The following PTPRN2 variants were observed in gnomAD, a reference collection of about 807,000 sequenced individuals.
The protein encoded by PTPRN2 is receptor-type tyrosine-protein phosphatase N2.
PTPRN2 carries 74 observed loss-of-function variants against 118.8 expected under a neutral mutation model. The observed-to-expected ratio is 0.62, with a 90% CI of 0.52 to 0.76. The LOEUF (loss-of-function observed/expected upper bound fraction) is 0.76. PTPRN2 is among the 30% of genes least tolerant of loss of function. The pLI, the probability that PTPRN2 is intolerant of heterozygous loss-of-function variation, is 0.00. For synonymous variants in PTPRN2, 641 were observed against 608.0 expected (o/e 1.05, Z -0.80); for missense variants, 1,481 against 1,394.4 (o/e 1.06, Z -0.99).
intron 12 of PTPRN2, among the ~76,000 whole-genome samples, chr7:157,747,593 G>C (rs1385641108): frequency 9.1e-5 from 9 of 98,608 alleles, no homozygotes; most frequent in East Asian, 7.3e-4. Flanking sequence ...GAGCTGTGGG[G>C]TGTCCGGGTG....
chr7:157,862,603 T>C, intron 12 of PTPRN2: 1 of 152,282 alleles, frequency 6.6e-6, no homozygotes, highest in East Asian at 1.9e-4. Context: ...TAAAATGCCT[T>C]GAGAGTGGAA....
chr7:158,236,584 A>G (rs1482957654), intron 3 of PTPRN2, among the ~76,000 whole-genome samples: 3 of 152,092 alleles, frequency 2.0e-5, no homozygotes, highest in Non-Finnish European at 4.4e-5. Flanking sequence ...TGCCTCAAGT[A>G]TGTCTTCATG....
chr7:157,980,969 C>G (rs530827491), intron 11 of PTPRN2, among the ~76,000 whole-genome samples: 1 of 151,930 alleles, frequency 6.6e-6, no homozygotes, highest in South Asian at 2.1e-4. Context: ...CCCCGCCTCC[C>G]ACACGGGCTC....
chr7:158,375,921 A>G (rs1367541812), intron 2 of PTPRN2, among the ~76,000 whole-genome samples: 1 of 152,140 alleles, frequency 6.6e-6, no homozygotes, highest in East Asian at 1.9e-4. Context: ...TCCATCCAGC[A>G]GTAAAATCCC....
intron 12 of PTPRN2, among the ~76,000 whole-genome samples, chr7:157,856,848 A>C (rs972452799): frequency 1.3e-5 from 2 of 152,152 alleles, no homozygotes; most frequent in Non-Finnish European, 2.9e-5. Context: ...TTGACCTGTT[A>C]AGTATTGCTT....
At chr7:157,900,626 G>A (rs527678424) in intron 11 of PTPRN2, among the ~76,000 whole-genome samples, 10 of 152,258 alleles carry the variant, frequency 6.6e-5, no homozygotes, top group South Asian at 4.1e-4. Context: ...GGCATTCTCC[G>A]TCCCCTGCCA....
At chr7:158,149,511 A>C (rs2150517406) in intron 6 of PTPRN2, among the ~76,000 whole-genome samples, 1 of 152,320 alleles carries the variant, frequency 6.6e-6, no homozygotes, top group Admixed American at 6.5e-5. Context: ...GATTTTTAAA[A>C]AGATAAGCCC....
chr7:157,786,886 A>T (rs1306156964), intron 12 of PTPRN2, among the ~76,000 whole-genome samples: 2 of 152,198 alleles, frequency 1.3e-5, no homozygotes, highest in Non-Finnish European at 2.9e-5. Context: ...CACTGTGGGA[A>T]GTGCAGGGAG....
chr7:158,521,902 CAGG>C (rs1824128501), intron 1 of PTPRN2, among the ~76,000 whole-genome samples: 2 of 82,414 alleles, frequency 2.4e-5, no homozygotes, highest in Non-Finnish European at 5.0e-5. Context: ...GGTACTGGCT[CAGG>C]AGGGAGGTCC....
In PTPRN2 at chr7:158,319,743, TCA is replaced by T. The variant is rs1300310599; in HGVS notation, c.164-2813_164-2812del. Among the ~76,000 whole-genome samples, 2 of 11,038 alleles carry T rather than the reference TCA, an allele frequency of 1.8e-4. 1 individual carries two copies. The highest frequency in any genetic ancestry group is 1.5e-3 in the African/African-American group (2 of 1,308). 7.2% of individuals were successfully genotyped at this position (11,038 alleles called of 152,430 possible). Reference sequence around the variant, plus strand: ...CCCTCACACACACTCACAGTCTCCCTCACACACACAGCCTCCCTCACACACAC... The same window carrying T: ...CCCTCACACACACTCACAGTCTCCCTCACACACAGCCTCCCTCACACACAC... On this transcript the variant is annotated intron_variant, in intron 2 of 22. Coordinates refer to ENST00000389418, the MANE Select transcript of PTPRN2 (RefSeq NM_002847.5).
At chr7:158,398,117 A>G (rs1323227870) in intron 2 of PTPRN2, among the ~76,000 whole-genome samples, 1 of 152,188 alleles carries the variant, frequency 6.6e-6, no homozygotes, top group Non-Finnish European at 1.5e-5. Flanking sequence ...TAGCTTACAA[A>G]TCCATCTGTA....
At chr7:158,191,139 C>T (rs1024160301) in intron 5 of PTPRN2, among the ~76,000 whole-genome samples, 1 of 152,222 alleles carries the variant, frequency 6.6e-6, no homozygotes, top group Non-Finnish European at 1.5e-5. Flanking sequence ...TGGGAGGACT[C>T]TACCTTTCGA....
intron 11 of PTPRN2, among the ~76,000 whole-genome samples, chr7:158,071,337 G>GTA (rs1811517712): frequency 7.9e-6 from 1 of 126,434 alleles, no homozygotes; most frequent in Non-Finnish European, 1.7e-5. Flanking sequence ...GCCCATGGTG[G>GTA]TGGAGGTGCT....
chr7:158,220,482 AT>A (rs1275976705), intron 3 of PTPRN2, among the ~76,000 whole-genome samples: 1 of 152,192 alleles, frequency 6.6e-6, no homozygotes, highest in South Asian at 2.1e-4. Context: ...CAGGAAAAAA[AT>A]ATCAATGTAT....
At position 157,734,145 on chromosome 7, in the gene PTPRN2, G is replaced by A. The variant is rs1304829555; in HGVS notation, c.1789-51208C>T. ...ACAGTTACCCTTTCCCGTCCCAGGC[G>A]CCCAGCACAGTTACTCTTTTCCACC... On this transcript the variant is annotated intron_variant, in intron 12 of 22. Transcript: ENST00000389418. Among the ~76,000 whole-genome samples the A allele has an allele frequency of 1.7e-3, 90 of 53,892 alleles. 4 individuals are homozygous for A. The highest frequency in any genetic ancestry group is 4.9e-3 in the East Asian group (13 of 2,678). 35.4% of individuals were successfully genotyped at this position (53,892 alleles called of 152,430 possible). A position where few individuals can be genotyped will look rare whatever the true frequency, so the allele number is the denominator to read the frequency against.
At chr7:157,730,149 TG>T (rs1439001243) in intron 12 of PTPRN2, among the ~76,000 whole-genome samples, 13 of 151,682 alleles carry the variant, frequency 8.6e-5, no homozygotes, top group African/African-American at 2.9e-4. Context: ...CTGAGACCCC[TG>T]GGGATGGCAC....
At position 157,632,841 on chromosome 7, in the gene PTPRN2, T is replaced by A. The variant is rs928974865; in HGVS notation, c.2197-11332A>T. ...AGCAATGGAAAATAATTCAGAGAAT[T>A]ATACTATGTTTTCCATAAATGTACA... On this transcript the variant is annotated intron_variant, in intron 14 of 22. Transcript: ENST00000389418. The surrounding 1 kb of genome is among the most constrained non-coding windows in gnomAD (Gnocchi z 4.3). Among the ~76,000 whole-genome samples the A allele has an allele frequency of 2.0e-5, 3 of 152,220 alleles. No individual in the cohort carries two copies. The highest frequency in any genetic ancestry group is 7.2e-5 in the African/African-American group (3 of 41,466).
chr7:157,779,506 C>G lies in PTPRN2; in HGVS notation c.1789-96569G>C, dbSNP rs1803545086. 6.6e-6 allele frequency among the ~76,000 whole-genome samples: 1 copy of G among 152,154 alleles called. No individual in the cohort carries two copies. The highest frequency in any genetic ancestry group is 1.5e-5 in the Non-Finnish European group (1 of 68,024). On this transcript the variant is annotated intron_variant, in intron 12 of 22. Coordinates refer to ENST00000389418, the MANE Select transcript of PTPRN2 (RefSeq NM_002847.5). The surrounding 1 kb of genome is among the most constrained non-coding windows in gnomAD (Gnocchi z 4.7). Reference sequence around the variant, plus strand: ...GACAGGCAGCAGGAACCCCCAAATTCCCTCCTCAGGCCAGTGCCCTCCACG... The same window carrying G: ...GACAGGCAGCAGGAACCCCCAAATTGCCTCCTCAGGCCAGTGCCCTCCACG...
At chr7:158,150,102 C>A (rs755522230) in intron 6 of PTPRN2, among the ~76,000 whole-genome samples, 1 of 152,110 alleles carries the variant, frequency 6.6e-6, no homozygotes, top group Non-Finnish European at 1.5e-5. Flanking sequence ...AGAAGGCTGC[C>A]GTGGGTGTTC....
Sources: allele counts gnomAD v4.1 joint callset (sites outside exome capture counted in the v4.1 genomes callset), GRCh38; gene constraint gnomAD v4.1.1; non-coding constraint Gnocchi (gnomAD v3.1); transcripts MANE v1.5; gene names NCBI Gene and HGNC (gene_info 2026-07-23, HGNC 2026-07-21).